The following PTPRN2 variants were observed in gnomAD, a reference collection of about 807,000 sequenced individuals.
PTPRN2 encodes protein tyrosine phosphatase receptor type N2.
In PTPRN2, 74 loss-of-function variants were observed where a neutral mutation model predicts 118.8. The ratio of observed to expected loss-of-function variants is 0.62; its 90% CI spans 0.52 to 0.76. The LOEUF (loss-of-function observed/expected upper bound fraction) is 0.76. PTPRN2 is among the 30% of genes least tolerant of loss of function. The probability of loss-of-function intolerance (pLI) is 0.00; values close to 1 mark genes in which losing one functional copy is unlikely to be tolerated. For missense variants in PTPRN2, 1,481 were observed against 1,394.4 expected, an observed-to-expected ratio of 1.06 and a Z score of -0.99; for synonymous variants, 641 against 608.0, an observed-to-expected ratio of 1.05 and a Z score of -0.80.
intron 5 of PTPRN2, among the ~76,000 whole-genome samples, chr7:158,181,837 C>T (rs1284813749): frequency 2.6e-5 from 4 of 152,058 alleles, no homozygotes; most frequent in African/African-American, 9.7e-5. Context: ...GCTAATGGTC[C>T]ATCAATTTTG....
chr7:157,793,547 G>A (rs1411104681), intron 12 of PTPRN2, among the ~76,000 whole-genome samples: 5 of 152,198 alleles, frequency 3.3e-5, no homozygotes, highest in Non-Finnish European at 7.4e-5. Flanking sequence ...TGCCTCTTCC[G>A]GGGTGGGATG....
At chr7:158,181,122 C>T (rs945877759) in intron 5 of PTPRN2, among the ~76,000 whole-genome samples, 1 of 152,018 alleles carries the variant, frequency 6.6e-6, no homozygotes, top group Non-Finnish European at 1.5e-5. Context: ...CCTTCTGTGC[C>T]GAGTTTGTTG....
At chr7:157,572,416 T>G (rs191808302) in intron 19 of PTPRN2, among the ~76,000 whole-genome samples, 1 of 152,324 alleles carries the variant, frequency 6.6e-6, no homozygotes, top group Admixed American at 6.5e-5. Context: ...AATGTCACGT[T>G]TCTTTGCAAA....
At chr7:158,252,362 A>T (rs1286751544) in intron 3 of PTPRN2, among the ~76,000 whole-genome samples, 1 of 152,116 alleles carries the variant, frequency 6.6e-6, no homozygotes, top group Non-Finnish European at 1.5e-5. Context: ...GAGTGGTGTC[A>T]CCGTTCGGAT....
chr7:158,131,295 A>G (rs909711585), intron 9 of PTPRN2, among the ~76,000 whole-genome samples: 2 of 151,152 alleles, frequency 1.3e-5, no homozygotes, highest in African/African-American at 4.9e-5. Context: ...ACAGATGCAC[A>G]TCATAAAAAT....
At chr7:157,922,590 A>C (rs1798747556) in intron 11 of PTPRN2, among the ~76,000 whole-genome samples, 1 of 30,064 alleles carries the variant, frequency 3.3e-5, no homozygotes, top group Non-Finnish European at 8.2e-5. Flanking sequence ...AGTTGGACAC[A>C]AACTAGCAAG....
chr7:157,777,096 T>G (rs1408675125), intron 12 of PTPRN2, among the ~76,000 whole-genome samples: 1 of 151,616 alleles, frequency 6.6e-6, no homozygotes, highest in Non-Finnish European at 1.5e-5. Context: ...CTCTCTTCCT[T>G]TCCCTCATTT....
At position 157,559,745 on chromosome 7, in the gene PTPRN2, T is replaced by C. The variant is rs148978049; in HGVS notation, c.2902+9157A>G. On this transcript the variant is annotated intron_variant, in intron 21 of 22. Transcript: ENST00000389418. The stretch of plus-strand genomic sequence containing the variant: ...CCCCTCCCGAATTTCCAAACAGGAG[T>C]TTGAACAGAAACATGTGGACTCAGG... 2.6e-3 allele frequency among the ~76,000 whole-genome samples: 400 copies of C among 151,472 alleles called. 2 individuals carry two copies. Among genetic ancestry groups the C allele is most frequent in the African/African-American group, 9.2e-3 (379 of 41,284 alleles).
At chr7:158,269,955 G>C (rs1414522509) in intron 3 of PTPRN2, among the ~76,000 whole-genome samples, 3 of 152,178 alleles carry the variant, frequency 2.0e-5, no homozygotes, top group Non-Finnish European at 4.4e-5. Flanking sequence ...GGGAGACAGA[G>C]AGAAAGAATC....
intron 17 of PTPRN2, 113 bp from the exon 18 acceptor site, chr7:157,578,253 AT>A: frequency 7.7e-7 from 1 of 1,303,284 alleles, no homozygotes; most frequent in African/African-American, 1.5e-5. Context: ...CAGGACATTT[AT>A]TTCATTTTCA....
At chr7:158,309,491 A>G (rs960784227) in intron 3 of PTPRN2, among the ~76,000 whole-genome samples, 1 of 152,136 alleles carries the variant, frequency 6.6e-6, no homozygotes, top group Non-Finnish European at 1.5e-5. Flanking sequence ...ATACTCCTTA[A>G]AATACTCCCC....
At chr7:158,272,455 C>T (rs776840708) in intron 3 of PTPRN2, among the ~76,000 whole-genome samples, 17 of 152,180 alleles carry the variant, frequency 1.1e-4, no homozygotes, top group Non-Finnish European at 1.9e-4. Flanking sequence ...CAATTAGAGT[C>T]CTGAATTTTA....
chr7:158,385,464 T>C lies in PTPRN2; in HGVS notation c.164-68532A>G, dbSNP rs186478947. Among the ~76,000 whole-genome samples the C allele has an allele frequency of 2.9e-3, 438 of 152,306 alleles. 3 individuals are homozygous for C. Among genetic ancestry groups the C allele is most frequent in the African/African-American group, 9.8e-3 (406 of 41,578 alleles). ...GTATAGCAAGCAAAGAGAGCTGTTT[T>C]GAGATAAAATGGAAAATCAGAAGTT... On this transcript the variant is annotated intron_variant, in intron 2 of 22. Coordinates refer to ENST00000389418, the MANE Select transcript of PTPRN2 (RefSeq NM_002847.5).
chr7:158,198,451 G>T (rs1024370723), intron 4 of PTPRN2, among the ~76,000 whole-genome samples: 1 of 152,190 alleles, frequency 6.6e-6, no homozygotes, highest in African/African-American at 2.4e-5. Flanking sequence ...GATAATATGA[G>T]ATAGTCTAGA....
chr7:157,605,626 G>A (rs778706127), intron 15 of PTPRN2, among the ~76,000 whole-genome samples: 1 of 152,216 alleles, frequency 6.6e-6, no homozygotes, highest in Non-Finnish European at 1.5e-5. Context: ...TCGAGCAATA[G>A]AACAGCTCAG....
intron 9 of PTPRN2, among the ~76,000 whole-genome samples, chr7:158,122,504 A>G (rs1444356761): frequency 6.6e-6 from 1 of 152,152 alleles, no homozygotes; most frequent in Non-Finnish European, 1.5e-5. Flanking sequence ...GCAGAAAATG[A>G]CTACGGGAGT....
chr7:157,693,830 C>A (rs949517480), intron 12 of PTPRN2, among the ~76,000 whole-genome samples: 2 of 152,222 alleles, frequency 1.3e-5, no homozygotes, highest in Admixed American at 6.5e-5. Flanking sequence ...CTCCAGCAGG[C>A]GGCCGGGAGC....
intron 12 of PTPRN2, among the ~76,000 whole-genome samples, chr7:157,854,347 C>T (rs1464330511): frequency 6.6e-6 from 1 of 152,248 alleles, no homozygotes; most frequent in Non-Finnish European, 1.5e-5. Context: ...AGCCTGTCTG[C>T]CCACGTCTCT....
At chr7:157,955,579 G>A (rs1801129774) in intron 11 of PTPRN2, among the ~76,000 whole-genome samples, 1 of 152,220 alleles carries the variant, frequency 6.6e-6, no homozygotes, top group Non-Finnish European at 1.5e-5. Context: ...ACAGCACACA[G>A]CAGGAGGGTT....
Sources: allele counts gnomAD v4.1 joint callset (sites outside exome capture counted in the v4.1 genomes callset), GRCh38; gene constraint gnomAD v4.1.1; transcripts MANE v1.5; gene names NCBI Gene and HGNC (gene_info 2026-07-23, HGNC 2026-07-21).